Variants in CTIF observed in about 807,000 individuals in gnomAD.
CTIF encodes CBP80/20-dependent translation initiation factor.
In CTIF, 21 loss-of-function variants were observed where a neutral mutation model predicts 66.0. The observed-to-expected ratio is 0.32, with a 90% CI of 0.23 to 0.46. The LOEUF (loss-of-function observed/expected upper bound fraction) is 0.46. Ranked by LOEUF, CTIF falls within the 20% of genes least tolerant of loss-of-function variation. The pLI is 1.00. For missense variants in CTIF, 739 were observed against 812.7 expected (o/e 0.91, Z 1.10); for synonymous variants, 345 against 326.4 (o/e 1.06, Z -0.62).
chr18:48,806,718 GT>G (rs1171073131), intron 9 of CTIF, among the ~76,000 whole-genome samples: 4 of 152,198 alleles, frequency 2.6e-5, no homozygotes, highest in Non-Finnish European at 5.9e-5. Flanking sequence ...GTATACAGCT[GT>G]TTTTGGCTTG....
At chr18:48,782,407 A>G (rs532546873) in intron 9 of CTIF, among the ~76,000 whole-genome samples, 16 of 152,176 alleles carry the variant, frequency 1.1e-4, no homozygotes, top group Middle Eastern at 3.4e-3. Context: ...CCACCCAAGG[A>G]AGCCAGGTCC....
At position 48,863,170 on chromosome 18, in the gene CTIF, A is replaced by AAACT. The variant is rs1555710303; in HGVS notation, c.*3613_*3616dup. On this transcript the variant is annotated 3_prime_UTR_variant, in exon 12 of 12. Coordinates refer to ENST00000256413, the MANE Select transcript of CTIF (RefSeq NM_014772.3). Reference sequence around the variant, plus strand: ...TATGTCCTGCTTTCCAGCTGAACCCAAACTACAAGTGGGTTTAAAAAAATA... The same window carrying AAACT: ...TATGTCCTGCTTTCCAGCTGAACCCAAACTAACTACAAGTGGGTTTAAAAAAATA... The AAACT allele has an allele frequency of 1.4e-5, 2 of 146,944 alleles. No homozygotes were observed. The highest frequency in any genetic ancestry group is 2.6e-5 in the African/African-American group (1 of 38,294). 9.1% of individuals were successfully genotyped at this position (146,944 alleles called of 1,614,324 possible).
At chr18:48,625,152 C>A (rs973046518) in intron 2 of CTIF, 150 of 922,430 alleles carry the variant, frequency 1.6e-4, no homozygotes, top group Non-Finnish European at 1.3e-4. Flanking sequence ...TTTCCTTCTG[C>A]CCTTAAATTC....
chr18:48,741,714 C>A (rs1376447131), intron 7 of CTIF, among the ~76,000 whole-genome samples: 6 of 152,148 alleles, frequency 3.9e-5, no homozygotes, highest in Admixed American at 2.0e-4. Flanking sequence ...TATGAACCAC[C>A]ATGCCCGGCC....
intron 8 of CTIF, 69 bp downstream of exon 8, chr18:48,758,474 G>C: frequency 6.6e-7 from 1 of 1,522,778 alleles, no homozygotes; most frequent in South Asian, 1.3e-5. Flanking sequence ...CACTTTGGTA[G>C]GTGGGCACAG....
At chr18:48,708,417 G>GCTGCT (rs1555677704) in intron 6 of CTIF, among the ~76,000 whole-genome samples, 61 of 152,334 alleles carry the variant, frequency 4.0e-4, no homozygotes, top group African/African-American at 1.4e-3. Flanking sequence ...GAACAAGATG[G>GCTGCT]CTGATTTTGA....
chr18:48,817,149 C>T, intron 9 of CTIF, 72 bp from the exon 10 acceptor site: 1 of 1,487,004 alleles, frequency 6.7e-7, no homozygotes. Context: ...AACAGATGCT[C>T]TGCACAGCAG....
At chr18:48,813,958 G>A (rs931103961) in intron 9 of CTIF, among the ~76,000 whole-genome samples, 1 of 152,194 alleles carries the variant, frequency 6.6e-6, no homozygotes, top group Admixed American at 6.5e-5. Context: ...AGTACTGACA[G>A]ATACTGTCTA....
chr18:48,678,708 G>A (rs529833313), intron 6 of CTIF, among the ~76,000 whole-genome samples: 30 of 152,024 alleles, frequency 2.0e-4, no homozygotes, highest in African/African-American at 6.8e-4. Flanking sequence ...GTTTCCACGC[G>A]GGCCTCCTCC....
chr18:48,775,677 A>C (rs1276032045), intron 9 of CTIF, among the ~76,000 whole-genome samples: 1 of 152,266 alleles, frequency 6.6e-6, no homozygotes, highest in Non-Finnish European at 1.5e-5. Context: ...GTTTAGGAAC[A>C]TCAGAGGAAG....
intron 9 of CTIF, among the ~76,000 whole-genome samples, chr18:48,811,022 A>G (rs1394081867): frequency 3.9e-5 from 6 of 151,994 alleles, no homozygotes; most frequent in Non-Finnish European, 5.9e-5. Context: ...CTGATTCCCA[A>G]GCTTAAGAAA....
intron 9 of CTIF, among the ~76,000 whole-genome samples, chr18:48,801,364 C>G (rs778748139): frequency 5.9e-5 from 9 of 152,228 alleles, no homozygotes; most frequent in Non-Finnish European, 1.2e-4. Context: ...GACTTTGTGT[C>G]CTTCTCTATC....
At chr18:48,546,433 T>C (rs891396597) in intron 1 of CTIF, among the ~76,000 whole-genome samples, 4 of 152,092 alleles carry the variant, frequency 2.6e-5, no homozygotes, top group African/African-American at 9.7e-5. Context: ...CCAAGACTGA[T>C]TTAGAATACT....
At chr18:48,646,901 CAAAAA>C (rs35904615) in intron 3 of CTIF, among the ~76,000 whole-genome samples, 1,820 of 78,042 alleles carry the variant, frequency 0.023, 16 homozygotes, top group Middle Eastern at 0.064. Context: ...TTGGCAGTTT[CAAAAA>C]AAAAAAAAAA....
At chr18:48,739,341 A>C (rs1598956728) in intron 7 of CTIF, among the ~76,000 whole-genome samples, 2 of 152,132 alleles carry the variant, frequency 1.3e-5, no homozygotes, top group East Asian at 3.9e-4. Flanking sequence ...AGGCAAATGC[A>C]CTCCCGTGTC....
chr18:48,540,583 G>A (rs2088585884), intron 1 of CTIF, among the ~76,000 whole-genome samples: 1 of 152,044 alleles, frequency 6.6e-6, no homozygotes, highest in South Asian at 2.1e-4. Context: ...GGAGTTTTCA[G>A]GGTTGGGGCT....
chr18:48,578,569 G>A (rs141849025), intron 1 of CTIF, among the ~76,000 whole-genome samples: 1 of 152,140 alleles, frequency 6.6e-6, no homozygotes, highest in Admixed American at 6.5e-5. Flanking sequence ...TTTCCCTGAT[G>A]ACTAATGACG....
chr18:48,803,321 A>C (rs2068082427), intron 9 of CTIF, among the ~76,000 whole-genome samples: 1 of 152,228 alleles, frequency 6.6e-6, no homozygotes, highest in Non-Finnish European at 1.5e-5. Flanking sequence ...ACCATCAGTC[A>C]CAGAGAATGT....
chr18:48,777,465 G>T (rs1910796749), intron 9 of CTIF, among the ~76,000 whole-genome samples: 1 of 152,150 alleles, frequency 6.6e-6, no homozygotes, highest in African/African-American at 2.4e-5. Context: ...CACAGCAAGG[G>T]TCCCCTCCAG....
Sources: gnomAD v4.1 joint callset for allele counts (sites outside exome capture counted in the v4.1 genomes callset) on GRCh38, gnomAD v4.1.1 for gene constraint, MANE v1.5 for transcripts, NCBI Gene and HGNC (gene_info 2026-07-23, HGNC 2026-07-21) for gene names.